Variants in ST6GAL2 observed in about 807,000 individuals in gnomAD.
ST6GAL2 encodes beta-galactoside alpha-2,6-sialyltransferase 2.
Under a neutral mutation model 37.5 loss-of-function variants are expected in ST6GAL2, and 24 were observed. The observed-to-expected ratio is 0.64, with a 90% CI of 0.46 to 0.90. The LOEUF (loss-of-function observed/expected upper bound fraction) is 0.90, where lower values mean the gene tolerates loss of function less well. Among genes scored for constraint, ST6GAL2 ranks in the 40% least tolerant of loss-of-function variants. The pLI, the probability that ST6GAL2 is intolerant of heterozygous loss-of-function variation, is 0.00. For missense variants in ST6GAL2, 715 were observed against 712.7 expected, an observed-to-expected ratio of 1.00 and a Z score of -0.04; for synonymous variants, 306 against 295.1, an observed-to-expected ratio of 1.04 and a Z score of -0.38.
rs1055915782 is a variant in ST6GAL2 at position 106,830,129 on chromosome 2, C to T, written c.1255G>A (p.Asp419Asn). ...TCTTTAGTGTTCTCCTGGATAATAT[C>T]CCAGAGCTGCCATATAAATTTAGGA... is the stretch of plus-strand genomic sequence containing the variant. ...LHPKFIWQLW[D>N]IIQENTKEKI... is the part of the protein sequence containing the mutation. The change falls in exon 5 of 6, where the codon GAT becomes AAT. Residue 419 changes from aspartate (D) to asparagine (N), a missense_variant. Coordinates refer to ENST00000409382, the MANE Select transcript of ST6GAL2 (RefSeq NM_001142351.2). 9 of 1,613,958 alleles carry T rather than the reference C, an allele frequency of 5.6e-6. No individual in the cohort carries two copies. Among genetic ancestry groups the T allele is most frequent in the South Asian group, 4.4e-5 (4 of 91,072 alleles).
chr2:106,816,639 T>G (rs2104429630), intron 5 of ST6GAL2, among the ~76,000 whole-genome samples: 1 of 152,248 alleles, frequency 6.6e-6, no homozygotes, highest in Admixed American at 6.5e-5. Flanking sequence ...TTTTAAAACC[T>G]TAATAAGGAT....
At chr2:106,866,019 G>C (rs374065945) in intron 1 of ST6GAL2, among the ~76,000 whole-genome samples, 2 of 152,296 alleles carry the variant, frequency 1.3e-5, no homozygotes, top group South Asian at 2.1e-4. Flanking sequence ...TGGAAAACTT[G>C]CTCAGCAGTA....
intron 1 of ST6GAL2, among the ~76,000 whole-genome samples, chr2:106,868,435 T>C (rs1678125045): frequency 6.6e-6 from 1 of 152,150 alleles, no homozygotes; most frequent in Admixed American, 6.5e-5. Context: ...CTCAGTGCCA[T>C]ATGGATGTCA....
intron 5 of ST6GAL2, 30 bp downstream of exon 5, chr2:106,830,036 A>G (rs1676355746): frequency 1.9e-6 from 3 of 1,605,284 alleles, no homozygotes; most frequent in South Asian, 2.2e-5. Context: ...TCTGCCCCCC[A>G]ATCATTCCAA....
In ST6GAL2 at chr2:106,834,140, T is replaced by C; in HGVS notation, c.950A>G (p.His317Arg). The C allele has an allele frequency of 6.2e-7, 1 of 1,612,084 alleles. No homozygotes were observed. The highest frequency in any genetic ancestry group is 8.5e-7 in the Non-Finnish European group (1 of 1,178,382). Residue 317 changes from histidine (H) to arginine (R), a missense_variant, in exon 3 of 6, where the codon CAT (histidine) becomes CGT (arginine). His to Arg is a conservative substitution (Grantham distance 29). Coordinates refer to ENST00000409382, the MANE Select transcript of ST6GAL2 (RefSeq NM_001142351.2). Reference sequence around the variant, plus strand: ...AGAGTTAAATCTCAAAACCGCATCATGAGAATCTAAGGGCACATAAGTGAC... The same window carrying C: ...AGAGTTAAATCTCAAAACCGCATCACGAGAATCTAAGGGCACATAAGTGAC... ...NSSLGEEIDS[H>R]DAVLRFNSAP... is the part of the protein sequence containing the mutation.
chr2:106,835,760 G>T (rs532924109), intron 2 of ST6GAL2, among the ~76,000 whole-genome samples: 6 of 152,082 alleles, frequency 3.9e-5, no homozygotes, highest in Admixed American at 3.9e-4. Context: ...CTACTACCAG[G>T]CTCTGTAAAA....
At chr2:106,809,381 AACC>A in intron 5 of ST6GAL2, among the ~76,000 whole-genome samples, 1 of 152,358 alleles carries the variant, frequency 6.6e-6, no homozygotes, top group South Asian at 2.1e-4. Flanking sequence ...TGTACCCAGA[AACC>A]ACAGTTCTTT....
intron 1 of ST6GAL2, among the ~76,000 whole-genome samples, chr2:106,847,432 T>C (rs960445740): frequency 6.6e-6 from 1 of 152,234 alleles, no homozygotes; most frequent in African/African-American, 2.4e-5. Flanking sequence ...TAATAACAGT[T>C]ATTCTGTTGC....
chr2:106,882,603 C>G (rs1678799437), intron 1 of ST6GAL2, among the ~76,000 whole-genome samples: 1 of 152,184 alleles, frequency 6.6e-6, no homozygotes, highest in Non-Finnish European at 1.5e-5. Flanking sequence ...GAATCTCACA[C>G]CAGAAGACAT....
intron 1 of ST6GAL2, among the ~76,000 whole-genome samples, chr2:106,874,415 C>T (rs1307640342): frequency 6.6e-6 from 1 of 152,004 alleles, no homozygotes; most frequent in South Asian, 2.1e-4. Flanking sequence ...AAAGTGGAGA[C>T]CATGAGCTTG....
At chr2:106,860,588 A>G (rs1056110843) in intron 1 of ST6GAL2, among the ~76,000 whole-genome samples, 3 of 152,212 alleles carry the variant, frequency 2.0e-5, no homozygotes, top group East Asian at 3.9e-4. Flanking sequence ...GGGCAGGTAC[A>G]TGGCTGTATC....
At chr2:106,867,572 A>G (rs1317184628) in intron 1 of ST6GAL2, among the ~76,000 whole-genome samples, 1 of 152,096 alleles carries the variant, frequency 6.6e-6, no homozygotes, top group African/African-American at 2.4e-5. Flanking sequence ...ATCCCAAATG[A>G]CGAGGTTTAT....
At chr2:106,838,022 G>A (rs1676719399) in intron 2 of ST6GAL2, among the ~76,000 whole-genome samples, 1 of 152,198 alleles carries the variant, frequency 6.6e-6, no homozygotes, top group African/African-American at 2.4e-5. Flanking sequence ...TGGGATGGAA[G>A]GGGAGGGTGC....
chr2:106,812,941 C>T (rs192842203), intron 5 of ST6GAL2: 6 of 852,834 alleles, frequency 7.0e-6, no homozygotes, highest in Admixed American at 4.4e-5. Context: ...AAAAAATTAA[C>T]AACTTTATCA....
chr2:106,872,117 T>A (rs1483564622), intron 1 of ST6GAL2, among the ~76,000 whole-genome samples: 2 of 152,224 alleles, frequency 1.3e-5, no homozygotes, highest in African/African-American at 2.4e-5. Context: ...TCTAAGAGAT[T>A]GGAATTTTGC....
intron 5 of ST6GAL2, among the ~76,000 whole-genome samples, chr2:106,817,939 C>G (rs1675866006): frequency 6.6e-6 from 1 of 152,202 alleles, no homozygotes; most frequent in Non-Finnish European, 1.5e-5. Flanking sequence ...CCAGGCAATA[C>G]TCACTGTGAG....
At chr2:106,818,573 A>G (rs1409841006) in intron 5 of ST6GAL2, among the ~76,000 whole-genome samples, 2 of 152,186 alleles carry the variant, frequency 1.3e-5, no homozygotes, top group African/African-American at 2.4e-5. Context: ...TCATAATACC[A>G]TACTCAACTC....
At chr2:106,808,993 C>A (rs1335494177) in intron 5 of ST6GAL2, among the ~76,000 whole-genome samples, 1 of 152,158 alleles carries the variant, frequency 6.6e-6, no homozygotes, top group Non-Finnish European at 1.5e-5. Flanking sequence ...GGCAACAGAG[C>A]AAGACTCTGT....
At chr2:106,865,753 C>G (rs1027505808) in intron 1 of ST6GAL2, among the ~76,000 whole-genome samples, 1 of 152,172 alleles carries the variant, frequency 6.6e-6, no homozygotes, top group South Asian at 2.1e-4. Flanking sequence ...AGGAGGAAAG[C>G]AAGTTGCCCA....
Sources: gnomAD v4.1 joint callset for allele counts (sites outside exome capture counted in the v4.1 genomes callset) on GRCh38, gnomAD v4.1.1 for gene constraint, MANE v1.5 for transcripts, NCBI Gene and HGNC (gene_info 2026-07-23, HGNC 2026-07-21) for gene names.